The following TCF7L2 variants were observed in gnomAD, a reference collection of about 807,000 sequenced individuals.
TCF7L2 encodes the protein transcription factor 7-like 2.
TCF7L2 carries 23 observed loss-of-function variants against 77.9 expected under a neutral mutation model. That is an observed-to-expected ratio of 0.30 (90% CI 0.21 to 0.42). The LOEUF (loss-of-function observed/expected upper bound fraction) is 0.42, where lower values mean the gene tolerates loss of function less well. TCF7L2 is among the 10% of genes least tolerant of loss of function. The pLI, the probability that TCF7L2 is intolerant of heterozygous loss-of-function variation, is 1.00. For synonymous variants in TCF7L2, 413 were observed against 340.2 expected (o/e 1.21, Z -2.36); for missense variants, 654 against 793.1 (o/e 0.82, Z 2.11).
chr10:113,108,199 C>T (rs373565372), intron 5 of TCF7L2, among the ~76,000 whole-genome samples: 3 of 152,140 alleles, frequency 2.0e-5, no homozygotes, highest in African/African-American at 7.2e-5. Flanking sequence ...GCACAGTGAT[C>T]CTTAAACACA....
At chr10:113,022,442 T>C (rs1156662902) in intron 4 of TCF7L2, among the ~76,000 whole-genome samples, 1 of 152,150 alleles carries the variant, frequency 6.6e-6, no homozygotes, top group Non-Finnish European at 1.5e-5. Flanking sequence ...GAGGAGCCCA[T>C]ATGGAGAAAC....
chr10:113,141,990 A>G (rs1001017138), intron 6 of TCF7L2, among the ~76,000 whole-genome samples: 10 of 152,156 alleles, frequency 6.6e-5, no homozygotes, highest in East Asian at 1.9e-4. Flanking sequence ...ATGCTTTTCA[A>G]CGTCTTTTTG....
chr10:113,012,160 A>G (rs1010503587), intron 4 of TCF7L2, among the ~76,000 whole-genome samples: 1 of 152,224 alleles, frequency 6.6e-6, no homozygotes, highest in Non-Finnish European at 1.5e-5. Context: ...TCTAACGCCC[A>G]GGTCACATCC....
intron 3 of TCF7L2, among the ~76,000 whole-genome samples, chr10:112,963,945 G>A (rs994563896): frequency 7.2e-5 from 11 of 152,320 alleles, no homozygotes; most frequent in African/African-American, 1.9e-4. Flanking sequence ...TTACTAGAGT[G>A]CAGGCGACAG....
At chr10:113,078,529 C>T (rs1012399513) in intron 5 of TCF7L2, among the ~76,000 whole-genome samples, 7 of 152,082 alleles carry the variant, frequency 4.6e-5, no homozygotes, top group Admixed American at 2.6e-4. Context: ...AGTCATGTGC[C>T]ACCACATCCA....
At chr10:113,115,076 G>A (rs975831104) in intron 5 of TCF7L2, among the ~76,000 whole-genome samples, 4 of 152,056 alleles carry the variant, frequency 2.6e-5, no homozygotes, top group Admixed American at 6.5e-5. Flanking sequence ...TGGCAGAATC[G>A]AAAAAGGGTA....
At chr10:113,107,774 A>AAAAAAC (rs1408038947) in intron 5 of TCF7L2, among the ~76,000 whole-genome samples, 32 of 149,884 alleles carry the variant, frequency 2.1e-4, no homozygotes, top group Admixed American at 7.5e-4. Context: ...AAAAAAAAAA[A>AAAAAAC]AACAACAAAA....
At chr10:112,989,569 T>C (rs530006354) in intron 4 of TCF7L2, among the ~76,000 whole-genome samples, 117 of 152,286 alleles carry the variant, frequency 7.7e-4, no homozygotes, top group African/African-American at 2.6e-3. Flanking sequence ...TGCGGCTTCA[T>C]CTTCAGGCTG....
rs75444510 is a variant in TCF7L2 at position 113,136,252 on chromosome 10, G to A, written c.553-4932G>A. ...CACAGAGCCCAAGGCACCATTAAAC[G>A]GCGGCCACCCTGAGCTGTGCTGGTG... On this transcript the variant is annotated intron_variant, in intron 5 of 13. Transcript: ENST00000627217. 1.2e-3 allele frequency among the ~76,000 whole-genome samples: 186 copies of A among 152,280 alleles called. 3 individuals carry two copies. In the East Asian group the frequency reaches 0.033, roughly 27 times the overall value.
chr10:113,023,904 C>T (rs775263051), intron 4 of TCF7L2, among the ~76,000 whole-genome samples: 3 of 151,742 alleles, frequency 2.0e-5, no homozygotes, highest in Non-Finnish European at 2.9e-5. Context: ...GTGATCCGCC[C>T]GCCTCGGCCT....
At chr10:113,025,792 A>AT (rs35256377) in intron 4 of TCF7L2, among the ~76,000 whole-genome samples, 66 of 152,004 alleles carry the variant, frequency 4.3e-4, no homozygotes, top group African/African-American at 1.4e-3. Context: ...AGGTAAAATC[A>AT]TTTTTTCAAA....
At chr10:113,060,651 GC>G (rs1279037466) in intron 5 of TCF7L2, among the ~76,000 whole-genome samples, 8 of 152,086 alleles carry the variant, frequency 5.3e-5, no homozygotes, top group African/African-American at 1.9e-4. Context: ...ACAAGCTAGA[GC>G]ACAACTCCCC....
intron 7 of TCF7L2, 41 bp from the exon 8 acceptor site, chr10:113,145,970 C>T (rs770625923): frequency 1.6e-6 from 2 of 1,263,280 alleles, no homozygotes; most frequent in African/African-American, 1.5e-5. Flanking sequence ...CCCACCCCCA[C>T]CCTTGTTTCA....
chr10:112,968,915 C>G (rs1223241954), intron 4 of TCF7L2, among the ~76,000 whole-genome samples: 1 of 151,970 alleles, frequency 6.6e-6, no homozygotes, highest in Non-Finnish European at 1.5e-5. Context: ...GTTCGGTGTC[C>G]CTGGCCTGGG....
chr10:113,027,257 T>A (rs1022149085), intron 4 of TCF7L2, among the ~76,000 whole-genome samples: 1 of 152,204 alleles, frequency 6.6e-6, no homozygotes, highest in African/African-American at 2.4e-5. Context: ...CTCAACTGCT[T>A]ATTTCTTTTT....
chr10:113,060,653 A>G (rs1340178913), intron 5 of TCF7L2, among the ~76,000 whole-genome samples: 8 of 152,236 alleles, frequency 5.3e-5, no homozygotes, highest in African/African-American at 1.9e-4. Context: ...AAGCTAGAGC[A>G]CAACTCCCCA....
intron 4 of TCF7L2, among the ~76,000 whole-genome samples, chr10:113,001,139 G>C (rs1192373068): frequency 6.6e-6 from 1 of 152,234 alleles, no homozygotes; most frequent in Non-Finnish European, 1.5e-5. Flanking sequence ...TGCTGGCTTG[G>C]AGGGCAGGAG....
chr10:113,038,040 G>A (rs1451042350), intron 4 of TCF7L2, among the ~76,000 whole-genome samples: 1 of 152,184 alleles, frequency 6.6e-6, no homozygotes, highest in Non-Finnish European at 1.5e-5. Flanking sequence ...TACAGATGGA[G>A]ACTGGAAATA....
chr10:113,164,048 A>G (rs1564990885), intron 13 of TCF7L2, among the ~76,000 whole-genome samples: 2 of 152,306 alleles, frequency 1.3e-5, no homozygotes, highest in Middle Eastern at 3.4e-3. Context: ...ACGTGTTTCC[A>G]GTTGGAGTGT....
Sources: allele counts gnomAD v4.1 joint callset (sites outside exome capture counted in the v4.1 genomes callset), GRCh38; gene constraint gnomAD v4.1.1; transcripts MANE v1.5; gene names NCBI Gene and HGNC (gene_info 2026-07-23, HGNC 2026-07-21).